SLC26A11: variants seen among roughly 807,000 people sequenced by gnomAD.
SLC26A11 encodes the protein solute carrier family 26 member 11, also known as sodium-independent sulfate anion transporter.
A neutral mutation model predicts 62.2 loss-of-function variants in SLC26A11; 58 were observed. The ratio of observed to expected loss-of-function variants is 0.93; its 90% CI spans 0.76 to 1.16. SLC26A11 has a LOEUF of 1.16. Ranked by LOEUF, SLC26A11 falls within the 50% of genes most tolerant of loss-of-function variation. SLC26A11 has a pLI of 0.00. For missense variants in SLC26A11, 790 were observed against 794.3 expected (o/e 0.99, Z 0.06); for synonymous variants, 411 against 368.9 (o/e 1.11, Z -1.31).
chr17:80,231,620 C>T (rs187776304), intron 7 of SLC26A11, among the ~76,000 whole-genome samples: 12 of 152,254 alleles, frequency 7.9e-5, no homozygotes, highest in African/African-American at 2.4e-4. Context: ...AATTTTTATT[C>T]GGTTCTAAAT....
At chr17:80,248,813 C>A in intron 15 of SLC26A11, 139 bp downstream of exon 15, 1 of 891,320 alleles carries the variant, frequency 1.1e-6, no homozygotes, top group Non-Finnish European at 1.7e-6. Flanking sequence ...GTGGGCTGGA[C>A]CGTCCTCTGT....
intron 17 of SLC26A11, among the ~76,000 whole-genome samples, 165 bp downstream of exon 17, chr17:80,251,566 C>G (rs559357314): frequency 6.6e-6 from 1 of 152,136 alleles, no homozygotes; most frequent in Non-Finnish European, 1.5e-5. Flanking sequence ...AGTTCGAGAC[C>G]AGCCTGGCCA....
chr17:80,223,165 TG>T lies in SLC26A11; in HGVS notation c.428-86del, dbSNP rs2042271715. The T allele has an allele frequency of 7.9e-7, 1 of 1,269,612 alleles. No individual in the cohort carries two copies. The highest frequency in any genetic ancestry group is 1.1e-6 in the Non-Finnish European group (1 of 878,648). The allele number at this position is 1,269,612 out of a possible 1,614,324, so 78.6% of individuals were successfully genotyped here. On this transcript the variant is annotated intron_variant, in intron 4 of 17. Coordinates refer to ENST00000361193, the MANE Select transcript of SLC26A11 (RefSeq NM_001166347.2). This position sits in a 1 kb window ranked among gnomAD's most constrained non-coding sequence, Gnocchi z 4.6. ...GTATCTGCTCCCCAATCCCACCCAT[TG>T]CCACCTTCCCCAGCTCACATCTCCC...
intron 7 of SLC26A11, among the ~76,000 whole-genome samples, chr17:80,230,856 A>AT (rs571247367): frequency 3.4e-4 from 52 of 152,260 alleles, no homozygotes; most frequent in African/African-American, 1.2e-3. Context: ...TGAGTTTATT[A>AT]TTTTTTCCAT....
intron 6 of SLC26A11, among the ~76,000 whole-genome samples, chr17:80,226,469 G>A (rs2042414540): frequency 6.6e-6 from 1 of 152,178 alleles, no homozygotes; most frequent in Admixed American, 6.5e-5. Flanking sequence ...GGGAAGCCCA[G>A]GTGGGCAGAT....
intron 15 of SLC26A11, 75 bp downstream of exon 15, chr17:80,248,749 C>A: frequency 1.4e-6 from 2 of 1,394,146 alleles, no homozygotes; most frequent in South Asian, 2.5e-5. Flanking sequence ...TGTTCAGGAC[C>A]CCAAGACCCT....
chr17:80,245,137 C>G, intron 10 of SLC26A11, 59 bp from the exon 11 acceptor site: 1 of 1,543,222 alleles, frequency 6.5e-7, no homozygotes, highest in Non-Finnish European at 9.0e-7. Context: ...TCCCCATCTC[C>G]TTTCCCTCCA....
chr17:80,246,132 C>A lies in SLC26A11; in HGVS notation c.1098-22C>A. 6.2e-7 allele frequency: 1 copy of A among 1,613,094 alleles called. No individual in the cohort carries two copies. Among genetic ancestry groups the A allele is most frequent in the East Asian group, 2.2e-5 (1 of 44,880 alleles). On this transcript the variant is annotated intron_variant, in intron 11 of 17. Coordinates refer to ENST00000361193, the MANE Select transcript of SLC26A11 (RefSeq NM_001166347.2). This position sits in a 1 kb window ranked among gnomAD's most constrained non-coding sequence, Gnocchi z 4.4. ...CCTTTTCCCGGCCCCTGGTGACTGA[C>A]GGTCTCTGTGTTGCCTTCCAGGACA...
rs753351051 is a variant in SLC26A11, at chr17:80,221,545, C to A, written c.-13-3C>A. 4 of 1,558,914 alleles carry A rather than the reference C, an allele frequency of 2.6e-6. No homozygotes were observed. In the Admixed American group the frequency reaches 5.4e-5, roughly 21 times the overall value. ...GCTGGTCTGTGTCACCTGCACCCCCCAGCCCCACCGTAGAGATGCCTTCTT... is the reference window on the plus strand; with the variant it reads ...GCTGGTCTGTGTCACCTGCACCCCCAAGCCCCACCGTAGAGATGCCTTCTT... On this transcript the variant is annotated splice_polypyrimidine_tract_variant and splice_region_variant and intron_variant, in intron 2 of 17. Transcript: ENST00000361193.
intron 11 of SLC26A11, 79 bp downstream of exon 11, chr17:80,245,335 C>A: frequency 1.4e-6 from 2 of 1,474,318 alleles, no homozygotes; most frequent in South Asian, 1.1e-5. Context: ...GTCTGCCTGC[C>A]CTGACCCCGG....
chr17:80,235,500 G>A (rs2042669713), intron 7 of SLC26A11, among the ~76,000 whole-genome samples: 1 of 152,128 alleles, frequency 6.6e-6, no homozygotes, highest in South Asian at 2.1e-4. Flanking sequence ...GGGACTATAG[G>A]CATATGCCAC....
chr17:80,232,128 A>G (rs2042581576), intron 7 of SLC26A11, among the ~76,000 whole-genome samples: 1 of 152,204 alleles, frequency 6.6e-6, no homozygotes, highest in Non-Finnish European at 1.5e-5. Context: ...ATAAAAACAT[A>G]TAGAATTATA....
chr17:80,229,304 G>A (rs1598803039), intron 7 of SLC26A11, among the ~76,000 whole-genome samples: 1 of 152,150 alleles, frequency 6.6e-6, no homozygotes, highest in Admixed American at 6.5e-5. Context: ...GGTTTAGAGT[G>A]GAGATGTCCA....
rs2042489088 is a variant in SLC26A11 at position 80,228,935 on chromosome 17, G to T, written c.736+975G>T. Among the ~76,000 whole-genome samples, 2 of 152,310 alleles carry T rather than the reference G, an allele frequency of 1.3e-5. No homozygotes were observed. Among genetic ancestry groups the T allele is most frequent in the Non-Finnish European group, 2.9e-5 (2 of 68,020 alleles). On this transcript the variant is annotated intron_variant, in intron 7 of 17. Transcript: ENST00000361193. This position sits in a 1 kb window ranked among gnomAD's most constrained non-coding sequence, Gnocchi z 4.1. ...CTGTCAGCAGGTGAAGGACCACCCT[G>T]GGGGAGGTGGAAGCCTCTTCTCAGT...
Position 80,252,904 on chromosome 17 carries a change from C to T in SLC26A11, c.*188C>T. ...CAGTGGGAGTGGGGCTCACTGGCTT[C>T]CTGTGGGATGACTGGAAAATGACCT... is the stretch of plus-strand genomic sequence containing the variant. On this transcript the variant is annotated 3_prime_UTR_variant, in exon 18 of 18. Transcript: ENST00000361193. The surrounding 1 kb of genome is among the most constrained non-coding windows in gnomAD (Gnocchi z 5.2). 1 of 552,482 alleles carries T rather than the reference C, an allele frequency of 1.8e-6. No homozygotes were observed. The highest frequency in any genetic ancestry group is 3.2e-6 in the Non-Finnish European group (1 of 310,718). 34.2% of individuals were successfully genotyped at this position (552,482 alleles called of 1,614,324 possible).
chr17:80,250,662 A>G (rs574091113), intron 16 of SLC26A11, among the ~76,000 whole-genome samples: 85 of 151,856 alleles, frequency 5.6e-4, no homozygotes, highest in African/African-American at 2.1e-3. Flanking sequence ...CTCCGTCTCT[A>G]CTAAAAATAC....
intron 10 of SLC26A11, among the ~76,000 whole-genome samples, chr17:80,243,436 C>T (rs1161794464): frequency 6.0e-5 from 9 of 150,190 alleles, no homozygotes; most frequent in East Asian, 1.9e-4. Context: ...CTTCCTCTGT[C>T]GCCCAGGCTG....
In SLC26A11 at chr17:80,233,584, A is replaced by AT. The variant is rs56289503; in HGVS notation, c.737-3331dup. On this transcript the variant is annotated intron_variant, in intron 7 of 17. Coordinates refer to ENST00000361193, the MANE Select transcript of SLC26A11 (RefSeq NM_001166347.2). ...CCTGTTGGTGATTAACTCTTTCAGC[A>AT]TTTTTTTTTTTTTATTTGACAGGAT... is the stretch of plus-strand genomic sequence containing the variant. Among the ~76,000 whole-genome samples the AT allele has an allele frequency of 7.0e-3, 991 of 142,394 alleles. 22 individuals carry two copies. The highest frequency in any genetic ancestry group is 0.016 in the African/African-American group (602 of 38,614). The allele number at this position is 142,394 out of a possible 152,430, so 93.4% of individuals were successfully genotyped here. A position where few individuals can be genotyped will look rare whatever the true frequency, so the allele number is the denominator to read the frequency against.
chr17:80,249,190 A>C lies in SLC26A11; in HGVS notation c.1559A>C (p.His520Pro), dbSNP rs772403469. ...CGCTGCCTGGTCCTGGAGTGCACCCATGTCTGCAGCATCGACTACACTGTG... is the reference window on the plus strand; with the variant it reads ...CGCTGCCTGGTCCTGGAGTGCACCCCTGTCTGCAGCATCGACTACACTGTG... The part of the protein sequence containing the change: ...PPRCLVLECT[H>P]VCSIDYTVVL... The change falls in exon 16 of 18, where the codon CAT becomes CCT. Residue 520 changes from histidine (H) to proline (P), a missense_variant. His to Pro is a moderately conservative substitution (Grantham distance 77). Coordinates refer to ENST00000361193, the MANE Select transcript of SLC26A11 (RefSeq NM_001166347.2). 6.2e-7 allele frequency: 1 copy of C among 1,610,282 alleles called. No homozygotes were observed. Among genetic ancestry groups the C allele is most frequent in the Admixed American group, 1.7e-5 (1 of 59,992 alleles).
Sources: allele counts gnomAD v4.1 joint callset (sites outside exome capture counted in the v4.1 genomes callset), GRCh38; gene constraint gnomAD v4.1.1; non-coding constraint Gnocchi (gnomAD v3.1); transcripts MANE v1.5; gene names NCBI Gene and HGNC (gene_info 2026-07-23, HGNC 2026-07-21).